POLA2: variants seen among roughly 807,000 people sequenced by gnomAD.
POLA2 encodes the protein DNA polymerase alpha subunit B.
In POLA2, 47 loss-of-function variants were observed where a neutral mutation model predicts 82.8. The ratio of observed to expected loss-of-function variants is 0.57; its 90% CI spans 0.45 to 0.72. POLA2 has a LOEUF of 0.72. Among genes scored for constraint, POLA2 ranks in the 30% least tolerant of loss-of-function variants. The pLI is 0.00. For synonymous variants in POLA2, 287 were observed against 286.8 expected (o/e 1.00, Z -0.01); for missense variants, 634 against 728.1 (o/e 0.87, Z 1.49).
intron 13 of POLA2, among the ~76,000 whole-genome samples, chr11:65,293,341 G>A (rs1387460925): frequency 6.6e-6 from 1 of 152,086 alleles, no homozygotes; most frequent in Non-Finnish European, 1.5e-5. Flanking sequence ...CAGGTGTGGT[G>A]GCTCACACAT....
chr11:65,287,824 C>T lies in POLA2; in HGVS notation c.1115C>T (p.Pro372Leu), dbSNP rs1296486982. The change falls in exon 11 of 18, where the codon CCA becomes CTA. Residue 372 changes from proline to leucine, a missense_variant. Pro to Leu is a moderately conservative substitution (Grantham distance 98). Coordinates refer to ENST00000265465, the MANE Select transcript of POLA2 (RefSeq NM_002689.4). ...DLIAVINHDR[P>L]DVCILFGPFL... ...ATTGCTGTCATCAACCATGACCGGC[C>T]AGATGTCTGCATCCTGGTAAGAGGC... The T allele has an allele frequency of 6.2e-7, 1 of 1,613,580 alleles. No individual in the cohort carries two copies. The highest frequency in any genetic ancestry group is 8.5e-7 in the Non-Finnish European group (1 of 1,179,880).
chr11:65,282,620 T>C lies in POLA2; in HGVS notation c.1006+99T>C. On this transcript the variant is annotated intron_variant, in intron 10 of 17. Transcript: ENST00000265465. ...AGCCCAAGAAAGCTGCAGAAGCTGC[T>C]GAAGAGCAATGTGACCAAGCAGTGA... 4.0e-6 allele frequency: 4 copies of C among 996,650 alleles called. No homozygotes were observed. The South Asian group carries it at 5.2e-5, about 13-fold the overall frequency. 61.7% of individuals were successfully genotyped at this position (996,650 alleles called of 1,614,324 possible).
chr11:65,272,551 T>A (rs1467195707), intron 4 of POLA2, among the ~76,000 whole-genome samples: 3 of 152,214 alleles, frequency 2.0e-5, no homozygotes, highest in Non-Finnish European at 4.4e-5. Flanking sequence ...ACGGAGAGAA[T>A]GTGTTAGCCT....
chr11:65,289,166 TCCCA>T, intron 12 of POLA2, 78 bp downstream of exon 12: 1 of 1,146,300 alleles, frequency 8.7e-7, no homozygotes, highest in Non-Finnish European at 1.3e-6. Flanking sequence ...TTAGTGTTTA[TCCCA>T]CATCTGTAAC....
intron 5 of POLA2, among the ~76,000 whole-genome samples, chr11:65,276,743 G>A (rs529697367): frequency 7.2e-4 from 109 of 151,744 alleles, no homozygotes; most frequent in African/African-American, 2.5e-3. Flanking sequence ...CCTCTACTTT[G>A]GATCACTTCT....
At chr11:65,304,919 G>A (rs1240426926) in intron 8 of POLA2, among the ~76,000 whole-genome samples, 3 of 152,108 alleles carry the variant, frequency 2.0e-5, no homozygotes, top group Non-Finnish European at 4.4e-5. Flanking sequence ...ACCATGTGGT[G>A]TGGAGAATAG....
At chr11:65,305,663 A>C, downstream of POLA2, 1 of 295,562 alleles carries the variant, frequency 3.4e-6, no homozygotes, top group Non-Finnish European at 6.6e-6. Context: ...CCTGGGTGAC[A>C]GAGCAGGACC....
At chr11:65,271,452 A>G (rs1949520268) in intron 4 of POLA2, among the ~76,000 whole-genome samples, 1 of 152,130 alleles carries the variant, frequency 6.6e-6, no homozygotes, top group Non-Finnish European at 1.5e-5. Flanking sequence ...GCCAGGTGCA[A>G]ATTTGTTTAC....
At chr11:65,268,333 T>G (rs1314125556) in intron 3 of POLA2, among the ~76,000 whole-genome samples, 1 of 151,568 alleles carries the variant, frequency 6.6e-6, no homozygotes, top group African/African-American at 2.4e-5. Flanking sequence ...TTGCCTTATA[T>G]GAAAGTTTAT....
At chr11:65,288,406 CTT>C (rs1371692654) in intron 11 of POLA2, among the ~76,000 whole-genome samples, 3 of 151,908 alleles carry the variant, frequency 2.0e-5, no homozygotes, top group East Asian at 3.9e-4. Context: ...GAACTAATCT[CTT>C]TTTAAAGCTC....
chr11:65,283,103 C>G (rs983640940), intron 10 of POLA2, among the ~76,000 whole-genome samples: 1 of 152,030 alleles, frequency 6.6e-6, no homozygotes, highest in African/African-American at 2.4e-5. Context: ...TTTACTCCAG[C>G]CTGTGTGACA....
chr11:65,279,749 G>A, intron 7 of POLA2, 123 bp downstream of exon 7: 1 of 684,942 alleles, frequency 1.5e-6, no homozygotes. Flanking sequence ...ATCTGTCTTG[G>A]TTGAATTTGG....
Position 65,289,083 on chromosome 11 carries a change from G to A in POLA2, c.1165G>A (p.Val389Met), listed in dbSNP as rs140114790. ...TTTCCTGGATGCTAAGCATGAACAG[G>A]TGGAGGTGAGTGGGCTGGGGTGGGA... Reference protein sequence around the residue: ...GPFLDAKHEQVENCLLTSPFE... With the variant: ...GPFLDAKHEQMENCLLTSPFE... The change falls in exon 12 of 18, where the codon GTG (valine) becomes ATG (methionine). Residue 389 changes from valine (V) to methionine (M), a missense_variant. Physicochemically the swap from Val to Met is conservative, Grantham distance 21. Coordinates refer to ENST00000265465, the MANE Select transcript of POLA2 (RefSeq NM_002689.4). 3.5e-5 allele frequency: 57 copies of A among 1,612,684 alleles called. No homozygotes were observed. In the African/African-American group the frequency reaches 7.2e-4, roughly 20 times the overall value.
At chr11:65,269,501 A>C (rs58126964) in intron 4 of POLA2, among the ~76,000 whole-genome samples, 40,325 of 147,252 alleles carry the variant, frequency 0.27, 6,866 homozygotes, top group Admixed American at 0.38. Context: ...AAAAAAAAAA[A>C]AACAACAACA....
At chr11:65,279,915 C>T (rs1356886912) in intron 7 of POLA2, 2 of 335,424 alleles carry the variant, frequency 6.0e-6, no homozygotes, top group Non-Finnish European at 1.1e-5. Flanking sequence ...CCGGGGATTT[C>T]CCACAAATAG....
chr11:65,277,962 T>G (rs976635214), intron 5 of POLA2, among the ~76,000 whole-genome samples: 1 of 152,266 alleles, frequency 6.6e-6, no homozygotes, highest in Non-Finnish European at 1.5e-5. Flanking sequence ...TTAATTGCGA[T>G]GGTGCCCCAC....
At chr11:65,295,789 G>A in intron 16 of POLA2, 75 bp from the exon 17 acceptor site, 1 of 1,551,724 alleles carries the variant, frequency 6.4e-7, no homozygotes, top group Non-Finnish European at 8.8e-7. Flanking sequence ...ACGAAAGCCA[G>A]TACCTAGGGG....
At chr11:65,293,214 G>T (rs561890816) in intron 13 of POLA2, among the ~76,000 whole-genome samples, 1 of 152,172 alleles carries the variant, frequency 6.6e-6, no homozygotes, top group South Asian at 2.1e-4. Flanking sequence ...GGGAGAGGCC[G>T]CTTGGGCTTT....
intron 7 of POLA2, 145 bp from the exon 8 acceptor site, chr11:65,280,847 G>A (rs1949632154): frequency 1.4e-6 from 1 of 710,258 alleles, no homozygotes; most frequent in Non-Finnish European, 2.4e-6. Flanking sequence ...TGATGACGCG[G>A]TAGTCACCTC....
Sources: allele counts gnomAD v4.1 joint callset (sites outside exome capture counted in the v4.1 genomes callset), GRCh38; gene constraint gnomAD v4.1.1; transcripts MANE v1.5; gene names NCBI Gene and HGNC (gene_info 2026-07-23, HGNC 2026-07-21).